TECRL: variants seen among roughly 807,000 people sequenced by gnomAD.
TECRL encodes trans-2,3-enoyl-CoA reductase like.
Under a neutral mutation model 52.8 loss-of-function variants are expected in TECRL, and 63 were observed. The ratio of observed to expected loss-of-function variants is 1.19; its 90% CI spans 0.97 to 1.47. TECRL has a LOEUF of 1.47. TECRL is among the 40% of genes most tolerant of loss of function. TECRL has a pLI of 0.00. For missense variants in TECRL, 482 were observed against 429.6 expected (o/e 1.12, Z -1.08); for synonymous variants, 164 against 141.9 (o/e 1.16, Z -1.10).
intron 3 of TECRL, among the ~76,000 whole-genome samples, chr4:64,323,029 C>T (rs1718014762): frequency 6.6e-6 from 1 of 152,038 alleles, no homozygotes; most frequent in Non-Finnish European, 1.5e-5. Context: ...TTTAGACTAC[C>T]ATTAGTTACT....
At position 64,381,461 on chromosome 4, in the gene TECRL, C is replaced by T. The variant is rs548469853; in HGVS notation, c.235-6238G>A. Among the ~76,000 whole-genome samples the T allele has an allele frequency of 3.0e-4, 46 of 150,958 alleles. No individual in the cohort carries two copies. In the South Asian group the frequency reaches 4.0e-3, roughly 13 times the overall value. ...TAAGAATGGGTATCCTTGTCTTGTT[C>T]CAGTTCTTAGATAAAAGGCTGTCGT... On this transcript the variant is annotated intron_variant, in intron 1 of 11. Coordinates refer to ENST00000381210, the MANE Select transcript of TECRL (RefSeq NM_001010874.5).
intron 2 of TECRL, among the ~76,000 whole-genome samples, chr4:64,334,386 A>G (rs1020942527): frequency 6.6e-6 from 1 of 152,210 alleles, no homozygotes; most frequent in African/African-American, 2.4e-5. Context: ...TGCTACCTAC[A>G]TAATTAAGTG....
chr4:64,291,356 A>G (rs555743053), intron 8 of TECRL, among the ~76,000 whole-genome samples: 1 of 152,164 alleles, frequency 6.6e-6, no homozygotes, highest in South Asian at 2.1e-4. Context: ...TACAAAACCC[A>G]TAATTACTAA....
intron 2 of TECRL, among the ~76,000 whole-genome samples, chr4:64,354,089 G>A (rs770830531): frequency 6.6e-6 from 1 of 152,140 alleles, no homozygotes; most frequent in Non-Finnish European, 1.5e-5. Context: ...ACAAAAGAAA[G>A]TGCTGATGAC....
rs375096508 is a variant in TECRL at position 64,316,245 on chromosome 4, A to G, written c.436-1482T>C. ...CTTTATTAACTTAATAAAAATGCTA[A>G]CACAGATCTGAAGTTTCTTCGCATG... On this transcript the variant is annotated intron_variant, in intron 4 of 11. Transcript: ENST00000381210. Among the ~76,000 whole-genome samples the G allele has an allele frequency of 3.3e-5, 5 of 152,136 alleles. No individual in the cohort carries two copies. In the East Asian group the frequency reaches 5.8e-4, roughly 18 times the overall value.
intron 7 of TECRL, among the ~76,000 whole-genome samples, chr4:64,300,971 A>G (rs551804423): frequency 6.6e-6 from 1 of 151,010 alleles, no homozygotes; most frequent in African/African-American, 2.4e-5. Context: ...TAAATCTTTT[A>G]CTAAATTTTG....
chr4:64,382,063 G>A (rs1201416625), intron 1 of TECRL, among the ~76,000 whole-genome samples: 1 of 151,460 alleles, frequency 6.6e-6, no homozygotes, highest in Non-Finnish European at 1.5e-5. Context: ...GCAACTCAGT[G>A]CTGGGCTTTT....
At chr4:64,304,903 T>C (rs1724237105) in intron 7 of TECRL, 2 of 255,260 alleles carry the variant, frequency 7.8e-6, no homozygotes, top group African/African-American at 4.4e-5. Flanking sequence ...CTTTAATTGT[T>C]GTTTTTTCAT....
downstream of TECRL, chr4:64,277,188 G>A: frequency 3.9e-6 from 2 of 507,534 alleles, no homozygotes. Context: ...ATAAGGGAGT[G>A]TAGTATAATG....
intron 8 of TECRL, among the ~76,000 whole-genome samples, chr4:64,297,220 A>C (rs539478399): frequency 3.3e-5 from 5 of 151,604 alleles, no homozygotes; most frequent in African/African-American, 1.2e-4. Context: ...AATAACCATT[A>C]ACAGTCTACA....
At chr4:64,375,129 TA>T in intron 2 of TECRL, 42 bp downstream of exon 2, 1 of 1,039,412 alleles carries the variant, frequency 9.6e-7, no homozygotes, top group Non-Finnish European at 1.3e-6. Flanking sequence ...TATTTGAAAA[TA>T]AAACATTATG....
Position 64,399,531 on chromosome 4 carries a change from G to C in TECRL, c.234+9587C>G, listed in dbSNP as rs1462995293. ...CCTGGAAGGCATCTCAAATATCTAAGAGGCAGCCCCTCCCACCAGAAGCCC... is the reference window on the plus strand; with the variant it reads ...CCTGGAAGGCATCTCAAATATCTAACAGGCAGCCCCTCCCACCAGAAGCCC... On this transcript the variant is annotated intron_variant, in intron 1 of 11. Coordinates refer to ENST00000381210, the MANE Select transcript of TECRL (RefSeq NM_001010874.5). 3.9e-5 allele frequency among the ~76,000 whole-genome samples: 6 copies of C among 152,302 alleles called. No homozygotes were observed. The Middle Eastern group carries it at 0.01, about 259-fold the overall frequency.
At chr4:64,395,892 T>A (rs1267400175) in intron 1 of TECRL, among the ~76,000 whole-genome samples, 1 of 152,156 alleles carries the variant, frequency 6.6e-6, no homozygotes, top group Non-Finnish European at 1.5e-5. Flanking sequence ...GTAATCAATG[T>A]TTAGATCCTA....
chr4:64,283,052 G>A (rs1280923707), intron 9 of TECRL, among the ~76,000 whole-genome samples: 1 of 151,902 alleles, frequency 6.6e-6, no homozygotes, highest in Admixed American at 6.6e-5. Flanking sequence ...CCTATAGTTG[G>A]AAGAAACCTC....
rs544559397 is a variant in TECRL, at chr4:64,344,696, T to C, written c.287-16140A>G. 1.5e-4 allele frequency among the ~76,000 whole-genome samples: 23 copies of C among 152,312 alleles called. 1 individual carries two copies. In the South Asian group the frequency reaches 2.5e-3, roughly 16 times the overall value. Reference sequence around the variant, plus strand: ...CTTTAAGGCTTTGAATGAAACTACATGCTACCAACCATAGCTCTCAGCAAA... The same window carrying C: ...CTTTAAGGCTTTGAATGAAACTACACGCTACCAACCATAGCTCTCAGCAAA... On this transcript the variant is annotated intron_variant, in intron 2 of 11. Transcript: ENST00000381210.
chr4:64,299,767 A>C (rs1186683694), intron 8 of TECRL, among the ~76,000 whole-genome samples: 1 of 150,954 alleles, frequency 6.6e-6, no homozygotes, highest in Non-Finnish European at 1.5e-5. Flanking sequence ...CAACCTTTAG[A>C]GATGACTACA....
chr4:64,383,523 C>T (rs1262267723), intron 1 of TECRL, among the ~76,000 whole-genome samples: 2 of 151,730 alleles, frequency 1.3e-5, no homozygotes, highest in Non-Finnish European at 2.9e-5. Flanking sequence ...CTTTCTTCTG[C>T]TTGATCTAGT....
chr4:64,385,787 C>T (rs990932733), intron 1 of TECRL, among the ~76,000 whole-genome samples: 7 of 152,158 alleles, frequency 4.6e-5, no homozygotes. Flanking sequence ...CCAGGCAGCT[C>T]CTTATACTAG....
intron 2 of TECRL, among the ~76,000 whole-genome samples, chr4:64,355,675 A>G (rs11937864): frequency 0.66 from 99,188 of 150,182 alleles, 34,217 homozygotes; most frequent in Non-Finnish European, 0.76. Flanking sequence ...GGTGTCAGGC[A>G]CCTGTAGTCC....
Sources: gnomAD v4.1 joint callset for allele counts (sites outside exome capture counted in the v4.1 genomes callset) on GRCh38, gnomAD v4.1.1 for gene constraint, MANE v1.5 for transcripts, NCBI Gene and HGNC (gene_info 2026-07-23, HGNC 2026-07-21) for gene names.